FAM120B: variants seen among roughly 807,000 people sequenced by gnomAD.
FAM120B encodes the protein constitutive coactivator of peroxisome proliferator-activated receptor gamma.
In FAM120B, 83 loss-of-function variants were observed where a neutral mutation model predicts 96.3. The ratio of observed to expected loss-of-function variants is 0.86; its 90% CI spans 0.72 to 1.03. FAM120B has a LOEUF of 1.03. Ranked by LOEUF, FAM120B falls within the 50% of genes least tolerant of loss-of-function variation. The pLI, the probability that FAM120B is intolerant of heterozygous loss-of-function variation, is 0.00. For missense variants in FAM120B, 1,027 were observed against 1,121.2 expected, an observed-to-expected ratio of 0.92 and a Z score of 1.20; for synonymous variants, 407 against 402.7, an observed-to-expected ratio of 1.01 and a Z score of -0.13.
chr6:170,296,681 C>T (rs1055644380), intron 1 of FAM120B, among the ~76,000 whole-genome samples: 7 of 152,106 alleles, frequency 4.6e-5, no homozygotes, highest in Admixed American at 4.6e-4. Flanking sequence ...TTAGCGGAAA[C>T]CGCGCGTTCC....
intron 6 of FAM120B, among the ~76,000 whole-genome samples, chr6:170,359,115 C>T (rs979430396): frequency 2.6e-5 from 4 of 152,146 alleles, no homozygotes; most frequent in Admixed American, 2.6e-4. Flanking sequence ...AACCTCACAA[C>T]TTAGGCCGGG....
At chr6:170,369,713 C>G (rs1283030505) in intron 6 of FAM120B, among the ~76,000 whole-genome samples, 2 of 145,626 alleles carry the variant, frequency 1.4e-5, no homozygotes, top group African/African-American at 5.1e-5. Flanking sequence ...TTTTTTCCTG[C>G]TCCCATACCT....
upstream of FAM120B, chr6:170,291,169 C>T (rs923619792): frequency 1.8e-5 from 12 of 651,022 alleles, no homozygotes; most frequent in South Asian, 1.1e-4. Flanking sequence ...CCCCCTTCCT[C>T]CCTCACCACA....
intron 9 of FAM120B, among the ~76,000 whole-genome samples, chr6:170,395,927 C>T (rs1790700371): frequency 6.6e-6 from 1 of 152,180 alleles, no homozygotes; most frequent in African/African-American, 2.4e-5. Context: ...TAGTGTTTCA[C>T]CAATAGCTGC....
chr6:170,329,925 A>C (rs1173384636), intron 3 of FAM120B, among the ~76,000 whole-genome samples: 1 of 152,070 alleles, frequency 6.6e-6, no homozygotes, highest in African/African-American at 2.4e-5. Context: ...TGTCTGACTG[A>C]TGATCACCTT....
intron 6 of FAM120B, among the ~76,000 whole-genome samples, chr6:170,366,668 C>T (rs1415241369): frequency 1.3e-5 from 2 of 152,112 alleles, no homozygotes; most frequent in South Asian, 2.1e-4. Context: ...GAGGAGCCAG[C>T]GAAGGCTTAG....
At chr6:170,347,148 C>G in intron 4 of FAM120B, among the ~76,000 whole-genome samples, 1 of 152,128 alleles carries the variant, frequency 6.6e-6, no homozygotes, top group East Asian at 1.9e-4. Context: ...AGAAGAATTT[C>G]CTTTTTTGGG....
At position 170,391,164 on chromosome 6, in the gene FAM120B, A is replaced by C. The variant is rs199733607; in HGVS notation, c.2599+43A>C. On this transcript the variant is annotated intron_variant, in intron 8 of 10. Coordinates refer to ENST00000476287, the MANE Select transcript of FAM120B (RefSeq NM_032448.3). ...GCCTCTAGAAGCCCCACAAGCGTAG[A>C]CCCTAACTGCTTCCTGAGTTTTGTT... 1.8e-3 allele frequency: 2,337 copies of C among 1,294,064 alleles called. 4 individuals are homozygous for C. Among genetic ancestry groups the C allele is most frequent in the Non-Finnish European group, 2.3e-3 (2,043 of 893,130 alleles). 80.2% of individuals were successfully genotyped at this position (1,294,064 alleles called of 1,614,324 possible).
chr6:170,305,682 A>AT (rs1784256168), upstream of FAM120B, among the ~76,000 whole-genome samples: 1 of 150,060 alleles, frequency 6.7e-6, no homozygotes, highest in Admixed American at 6.6e-5. Context: ...ACATTTGTCA[A>AT]TAACTTACTT....
At chr6:170,401,226 G>A (rs1437689019) in intron 9 of FAM120B, among the ~76,000 whole-genome samples, 12 of 152,160 alleles carry the variant, frequency 7.9e-5, no homozygotes, top group Admixed American at 6.5e-4. Flanking sequence ...CAGTCGCCCC[G>A]GTCTTGCCAG....
intron 6 of FAM120B, 34 bp from the exon 7 acceptor site, chr6:170,388,253 C>G (rs750128951): frequency 1.3e-6 from 2 of 1,594,308 alleles, no homozygotes; most frequent in South Asian, 2.2e-5. Context: ...TGACTCCTGT[C>G]TTACATTTTT....
chr6:170,316,058 C>CAA (rs35344814), intron 1 of FAM120B, among the ~76,000 whole-genome samples: 20,287 of 91,000 alleles, frequency 0.22, 3,185 homozygotes, highest in Non-Finnish European at 0.28. Flanking sequence ...GACCCGGTCT[C>CAA]AAAAAAAAAA....
At chr6:170,303,997 T>C (rs1784198990), upstream of FAM120B, among the ~76,000 whole-genome samples, 1 of 152,238 alleles carries the variant, frequency 6.6e-6, no homozygotes, top group Non-Finnish European at 1.5e-5. Flanking sequence ...CTCTATCCCC[T>C]ACTGTATAAG....
At chr6:170,333,228 G>A (rs1437724186) in intron 4 of FAM120B, among the ~76,000 whole-genome samples, 1 of 150,856 alleles carries the variant, frequency 6.6e-6, no homozygotes, top group Non-Finnish European at 1.5e-5. Context: ...TTGGGAGGTG[G>A]GGCCTTTGGG....
At chr6:170,374,609 A>G (rs1490443080) in intron 6 of FAM120B, among the ~76,000 whole-genome samples, 1 of 152,214 alleles carries the variant, frequency 6.6e-6, no homozygotes, top group Non-Finnish European at 1.5e-5. Flanking sequence ...ACTTCTAAGA[A>G]TGAACACGTC....
rs1477109164 is a variant in FAM120B, at chr6:170,318,247, A to T, written c.857A>T (p.Glu286Val). The change falls in exon 2 of 11, where the codon GAG becomes GTG. Residue 286 changes from glutamate to valine, a missense_variant. By Grantham distance (121) the Glu-to-Val change is moderately radical (BLOSUM62 -2). This residue lies in a region of FAM120B where 880 missense variants were observed against 980.9 expected (regional missense o/e 0.90). Coordinates refer to ENST00000476287, the MANE Select transcript of FAM120B (RefSeq NM_032448.3). ...YLYQGEKKLE[E>V]ILPLGPNKAL... ...TATCAAGGTGAGAAAAAATTAGAAG[A>T]GATATTACCTCTGGGACCAAACAAA... is the stretch of plus-strand genomic sequence containing the variant. 1 of 1,613,694 alleles carries T rather than the reference A, an allele frequency of 6.2e-7. No homozygotes were observed. The highest frequency in any genetic ancestry group is 8.5e-7 in the Non-Finnish European group (1 of 1,179,956).
intron 1 of FAM120B, among the ~76,000 whole-genome samples, chr6:170,311,111 C>T (rs987149047): frequency 6.6e-6 from 1 of 152,266 alleles, no homozygotes; most frequent in African/African-American, 2.4e-5. Flanking sequence ...GGATGCTGAA[C>T]AGCCATAGCA....
At position 170,405,909 on chromosome 6, in the gene FAM120B, T is replaced by C. The variant is rs1778786802; in HGVS notation, c.*1158T>C. 1 of 152,220 alleles carries C rather than the reference T, an allele frequency of 6.6e-6. No homozygotes were observed. The highest frequency in any genetic ancestry group is 1.5e-5 in the Non-Finnish European group (1 of 68,042). The allele number at this position is 152,220 out of a possible 1,614,324, so 9.4% of individuals were successfully genotyped here. On this transcript the variant is annotated 3_prime_UTR_variant, in exon 11 of 11. Transcript: ENST00000476287. Reference sequence around the variant, plus strand: ...CACAGGAAATCCACAGAGAGCATGCTGAGAGCAGCCAGCGGCTGGGCTGCC... The same window carrying C: ...CACAGGAAATCCACAGAGAGCATGCCGAGAGCAGCCAGCGGCTGGGCTGCC...
At chr6:170,357,706 A>G (rs1788043579) in intron 5 of FAM120B, among the ~76,000 whole-genome samples, 1 of 152,078 alleles carries the variant, frequency 6.6e-6, no homozygotes, top group Non-Finnish European at 1.5e-5. Flanking sequence ...TGGCTCTAAG[A>G]CCTGGTCTTG....
Sources: gnomAD v4.1 joint callset for allele counts (sites outside exome capture counted in the v4.1 genomes callset) on GRCh38, gnomAD v4.1.1 for gene constraint, gnomAD v4.1.1 regional missense constraint, MANE v1.5 for transcripts, NCBI Gene and HGNC (gene_info 2026-07-23, HGNC 2026-07-21) for gene names.